The following NRDE2 variants were observed in gnomAD, a reference collection of about 807,000 sequenced individuals.
The protein encoded by NRDE2 is nuclear exosome regulator NRDE2.
NRDE2 carries 76 observed loss-of-function variants against 124.2 expected under a neutral mutation model. The observed-to-expected ratio is 0.61, with a 90% CI of 0.51 to 0.74. The LOEUF (loss-of-function observed/expected upper bound fraction) is 0.74. Among genes scored for constraint, NRDE2 ranks in the 30% least tolerant of loss-of-function variants. The probability of loss-of-function intolerance (pLI) is 0.00; values close to 1 mark genes in which losing one functional copy is unlikely to be tolerated. For synonymous variants in NRDE2, 489 were observed against 528.1 expected, an observed-to-expected ratio of 0.93 and a Z score of 1.01; for missense variants, 1,314 against 1,417.3, an observed-to-expected ratio of 0.93 and a Z score of 1.17.
chr14:90,329,173 T>C (rs1370629395), intron 1 of NRDE2, among the ~76,000 whole-genome samples: 1 of 152,160 alleles, frequency 6.6e-6, no homozygotes, highest in Non-Finnish European at 1.5e-5. Context: ...AAAAGTTCGA[T>C]TTCCCCCTCT....
intron 7 of NRDE2, among the ~76,000 whole-genome samples, chr14:90,299,488 T>C (rs995366583): frequency 6.6e-6 from 1 of 152,192 alleles, no homozygotes; most frequent in African/African-American, 2.4e-5. Context: ...AGAAACGTGA[T>C]CATGTTATCA....
Position 90,285,195 on chromosome 14 carries a change from T to C in NRDE2, c.3297+1159A>G, listed in dbSNP as rs965103580. On this transcript the variant is annotated intron_variant, in intron 12 of 13. Coordinates refer to ENST00000354366, the MANE Select transcript of NRDE2 (RefSeq NM_017970.4). ...CTAAGGCAGGAGAATTGCTTGAACC[T>C]GGGAGGCAGAGGTTGCAGTGAGCCG... 7.0e-5 allele frequency among the ~76,000 whole-genome samples: 10 copies of C among 142,590 alleles called. No individual in the cohort carries two copies. In the Admixed American group the frequency reaches 7.2e-4, roughly 10 times the overall value. The allele number at this position is 142,590 out of a possible 152,430, so 93.5% of individuals were successfully genotyped here.
rs1595073688 is a variant in NRDE2 at position 90,314,739 on chromosome 14, G to A, written c.407+1839C>T. ...TTCATGTAACAAAAACAAATTCAGTGCTTACTCTGTAATGGGCCCTGTGCA... is the reference window on the plus strand; with the variant it reads ...TTCATGTAACAAAAACAAATTCAGTACTTACTCTGTAATGGGCCCTGTGCA... On this transcript the variant is annotated intron_variant, in intron 3 of 13. Transcript: ENST00000354366. Among the ~76,000 whole-genome samples, 5 of 152,294 alleles carry A rather than the reference G, an allele frequency of 3.3e-5. No individual in the cohort carries two copies. The South Asian group carries it at 8.3e-4, about 25-fold the overall frequency.
intron 12 of NRDE2, chr14:90,280,118 G>T (rs76139392): frequency 0.19 from 28,109 of 151,912 alleles, 2,682 homozygotes; most frequent in South Asian, 0.21. Flanking sequence ...TTTTTGTTTG[G>T]TTTTTTTGGT....
At position 90,272,146 on chromosome 14, in the gene NRDE2, G is replaced by C; in HGVS notation, c.*6190C>G. ...TGACCTTAGGCGATCCACCTGCCTCGGCCTCCCAGAGTGCTGGGATTACAG... is the reference window on the plus strand; with the variant it reads ...TGACCTTAGGCGATCCACCTGCCTCCGCCTCCCAGAGTGCTGGGATTACAG... On this transcript the variant is annotated 3_prime_UTR_variant, in exon 14 of 14. Transcript: ENST00000354366. This position sits in a 1 kb window ranked among gnomAD's most constrained non-coding sequence, Gnocchi z 4.5. 2 of 1,000,582 alleles carry C rather than the reference G, an allele frequency of 2.0e-6. No individual in the cohort carries two copies. Among genetic ancestry groups the C allele is most frequent in the Non-Finnish European group, 2.9e-6 (2 of 690,828 alleles). The allele number at this position is 1,000,582 out of a possible 1,614,324, so 62.0% of individuals were successfully genotyped here.
In NRDE2 at chr14:90,288,448, C is replaced by T. The variant is rs1595058234; in HGVS notation, c.2927G>A (p.Ser976Asn). ...TSLLRFHMKV[S>N]VYPLAPLREA... The stretch of plus-strand genomic sequence containing the variant: ...TCGCAGAGGGGCCAGCGGGTAAACA[C>T]TCACTTTCATGTGGAATCTCAGCAG... The change falls in exon 11 of 14, where the codon AGT (serine) becomes AAT (asparagine). Residue 976 changes from serine to asparagine, a missense_variant. Ser to Asn is a conservative substitution (Grantham distance 46, BLOSUM62 1). Transcript: ENST00000354366. 6.2e-7 allele frequency: 1 copy of T among 1,614,160 alleles called. No homozygotes were observed. The highest frequency in any genetic ancestry group is 8.5e-7 in the Non-Finnish European group (1 of 1,180,018).
intron 1 of NRDE2, among the ~76,000 whole-genome samples, chr14:90,320,800 C>T (rs1885214704): frequency 6.6e-6 from 1 of 152,180 alleles, no homozygotes; most frequent in Non-Finnish European, 1.5e-5. Context: ...TCTTTTAATC[C>T]TCACAACAAG....
Position 90,276,482 on chromosome 14 carries a change from G to T in NRDE2, c.*1854C>A, listed in dbSNP as rs1312508566. 6.6e-6 allele frequency: 1 copy of T among 152,182 alleles called. No individual in the cohort carries two copies. The highest frequency in any genetic ancestry group is 1.9e-4 in the East Asian group (1 of 5,190). The allele number at this position is 152,182 out of a possible 1,614,324, so 9.4% of individuals were successfully genotyped here. On this transcript the variant is annotated 3_prime_UTR_variant, in exon 14 of 14. Transcript: ENST00000354366. ...GATCCGTCCGCCTCGGCCTCCCAAA[G>T]TGCTGGGATTACAGACGTGAGCCAC...
chr14:90,310,363 CCT>C (rs1460752750), intron 4 of NRDE2, among the ~76,000 whole-genome samples: 1 of 152,198 alleles, frequency 6.6e-6, no homozygotes, highest in African/African-American at 2.4e-5. Flanking sequence ...AGTTACTTAA[CCT>C]CTCTGCGATT....
chr14:90,316,446 G>T, intron 3 of NRDE2, 132 bp downstream of exon 3: 1 of 638,548 alleles, frequency 1.6e-6, no homozygotes, highest in East Asian at 2.6e-5. Context: ...TCTTTTTTAA[G>T]CTGATATAAT....
chr14:90,295,551 T>C (rs1391349074), intron 8 of NRDE2, among the ~76,000 whole-genome samples: 3 of 152,176 alleles, frequency 2.0e-5, no homozygotes, highest in African/African-American at 7.2e-5. Context: ...CTTAGATACC[T>C]GAATTTACTA....
rs1385935283 is a variant in NRDE2 at position 90,316,614 on chromosome 14, C to T, written c.371G>A (p.Gly124Asp). 1 of 1,614,072 alleles carries T rather than the reference C, an allele frequency of 6.2e-7. No homozygotes were observed. The highest frequency in any genetic ancestry group is 1.3e-5 in the African/African-American group (1 of 75,048). ...AGATTCCTTTTTACTGCCTCCAACGCCTCTGGAAGGTTTGTCCTTTTCAGA... is the reference window on the plus strand; with the variant it reads ...AGATTCCTTTTTACTGCCTCCAACGTCTCTGGAAGGTTTGTCCTTTTCAGA... ...TDSEKDKPSR[G>D]VGGSKKESEE... Residue 124 changes from glycine to aspartate, a missense_variant, in exon 3 of 14, where the codon GGC becomes GAC. Physicochemically the swap from Gly to Asp is moderately conservative, Grantham distance 94 (BLOSUM62 -1). Transcript: ENST00000354366.
chr14:90,291,907 C>T (rs1359842705), intron 9 of NRDE2, among the ~76,000 whole-genome samples: 4 of 152,252 alleles, frequency 2.6e-5, no homozygotes, highest in African/African-American at 7.2e-5. Flanking sequence ...TAGGCACTGA[C>T]GTCAGAGCAC....
At chr14:90,331,147 G>A (rs1285035164) in intron 1 of NRDE2, among the ~76,000 whole-genome samples, 2 of 151,986 alleles carry the variant, frequency 1.3e-5, no homozygotes, top group Non-Finnish European at 1.5e-5. Context: ...ATGAACTCCC[G>A]GGCTCAAACT....
intron 10 of NRDE2, 115 bp from the exon 11 acceptor site, chr14:90,289,260 A>G: frequency 1.2e-6 from 1 of 824,936 alleles, no homozygotes; most frequent in Non-Finnish European, 1.9e-6. Flanking sequence ...TCCCTTTATC[A>G]CGGGTCTGGT....
chr14:90,324,021 AAG>A (rs926365362), intron 1 of NRDE2, among the ~76,000 whole-genome samples: 36 of 152,322 alleles, frequency 2.4e-4, no homozygotes, highest in African/African-American at 6.5e-4. Context: ...GACAAATGCA[AAG>A]AGAGAGAAAA....
At chr14:90,329,388 T>C (rs1174054353) in intron 1 of NRDE2, among the ~76,000 whole-genome samples, 3 of 152,118 alleles carry the variant, frequency 2.0e-5, no homozygotes, top group Non-Finnish European at 4.4e-5. Flanking sequence ...AATCCTACTC[T>C]CTTGAAGATC....
intron 3 of NRDE2, among the ~76,000 whole-genome samples, chr14:90,315,104 G>A (rs1237831805): frequency 6.6e-6 from 1 of 150,760 alleles, no homozygotes; most frequent in East Asian, 2.0e-4. Context: ...TTGAGCCCGG[G>A]AGGCAGAGGT....
rs1891845916 is a variant in NRDE2, at chr14:90,278,070, T to C, written c.*266A>G. 3 of 323,394 alleles carry C rather than the reference T, an allele frequency of 9.3e-6. 1 individual carries two copies. In the South Asian group the frequency reaches 1.2e-4, roughly 13 times the overall value. 20.0% of individuals were successfully genotyped at this position (323,394 alleles called of 1,614,324 possible). On this transcript the variant is annotated 3_prime_UTR_variant, in exon 14 of 14. Transcript: ENST00000354366. ...GGACGCTGCCACGCCTCAATCATCATCGGTTTAATGACCACGTGGCATGAC... is the reference window on the plus strand; with the variant it reads ...GGACGCTGCCACGCCTCAATCATCACCGGTTTAATGACCACGTGGCATGAC...
Sources: allele counts gnomAD v4.1 joint callset (sites outside exome capture counted in the v4.1 genomes callset), GRCh38; gene constraint gnomAD v4.1.1; non-coding constraint Gnocchi (gnomAD v3.1); transcripts MANE v1.5; gene names NCBI Gene and HGNC (gene_info 2026-07-23, HGNC 2026-07-21).